Variants in PTPRD observed in about 807,000 individuals in gnomAD.
PTPRD encodes protein tyrosine phosphatase receptor type D.
Under a neutral mutation model 214.5 loss-of-function variants are expected in PTPRD, and 34 were observed. That is an observed-to-expected ratio of 0.16 (90% CI 0.12 to 0.21). PTPRD has a LOEUF of 0.21. PTPRD is among the 10% of genes least tolerant of loss of function. The pLI, the probability that PTPRD is intolerant of heterozygous loss-of-function variation, is 1.00. For missense variants in PTPRD, 2,545 were observed against 2,398.7 expected (o/e 1.06, Z -1.27); for synonymous variants, 1,128 against 845.7 (o/e 1.33, Z -5.79).
intron 3 of PTPRD, among the ~76,000 whole-genome samples, chr9:10,057,146 T>C (rs970170165): frequency 2.0e-5 from 3 of 152,182 alleles, no homozygotes; most frequent in Non-Finnish European, 4.4e-5. Context: ...TAATTTATCA[T>C]TTCTGAGATG....
intron 37 of PTPRD, among the ~76,000 whole-genome samples, chr9:8,377,541 AAC>A (rs1223624483): frequency 6.6e-6 from 1 of 152,104 alleles, no homozygotes; most frequent in South Asian, 2.1e-4. Context: ...AAAAGTAACA[AAC>A]ACAGCACAAT....
intron 2 of PTPRD, among the ~76,000 whole-genome samples, chr9:10,451,032 A>G (rs1227286493): frequency 6.6e-6 from 1 of 152,002 alleles, no homozygotes; most frequent in Non-Finnish European, 1.5e-5. Flanking sequence ...AACATGATAG[A>G]TAATCTTGAC....
chr9:9,840,830 C>T (rs1335710808), intron 5 of PTPRD, among the ~76,000 whole-genome samples: 1 of 135,378 alleles, frequency 7.4e-6, no homozygotes, highest in Non-Finnish European at 1.5e-5. Flanking sequence ...CACTGGAATG[C>T]AATCTATGTA....
intron 11 of PTPRD, among the ~76,000 whole-genome samples, chr9:9,005,827 A>G (rs7863249): frequency 0.26 from 38,912 of 151,720 alleles, 6,028 homozygotes; most frequent in Non-Finnish European, 0.35. Context: ...GCAGACTTAT[A>G]CTCTGATTGT....
intron 5 of PTPRD, among the ~76,000 whole-genome samples, chr9:9,861,180 T>A (rs936263997): frequency 6.6e-6 from 1 of 152,214 alleles, no homozygotes; most frequent in African/African-American, 2.4e-5. Flanking sequence ...CATGAGTGTA[T>A]TGGGAGAAGT....
In PTPRD at chr9:8,316,167, A is replaced by ACAAT. The variant is rs997451769; in HGVS notation, c.*1703_*1706dup. On this transcript the variant is annotated 3_prime_UTR_variant, in exon 46 of 46. Transcript: ENST00000381196. ...GATTATCCAAGTGCTTTGGGCTGGT[A>ACAAT]CAATCACTAACATCCCCGACTTGGC... 1.3e-5 allele frequency: 3 copies of ACAAT among 229,716 alleles called. No homozygotes were observed. Among genetic ancestry groups the ACAAT allele is most frequent in the African/African-American group, 2.2e-5 (1 of 45,114 alleles). 14.2% of individuals were successfully genotyped at this position (229,716 alleles called of 1,614,324 possible).
intron 14 of PTPRD, among the ~76,000 whole-genome samples, chr9:8,555,726 G>T (rs2083519998): frequency 6.6e-6 from 1 of 152,210 alleles, no homozygotes; most frequent in Non-Finnish European, 1.5e-5. Flanking sequence ...GGATGTCAAT[G>T]AAATCTGAAG....
chr9:8,667,283 G>C (rs1026190917), intron 12 of PTPRD, among the ~76,000 whole-genome samples: 15 of 152,162 alleles, frequency 9.9e-5, no homozygotes, highest in South Asian at 2.1e-4. Flanking sequence ...AAGTTGCAGT[G>C]AGCCGAGATC....
intron 11 of PTPRD, among the ~76,000 whole-genome samples, chr9:8,885,101 G>A (rs1016679392): frequency 6.6e-6 from 1 of 152,166 alleles, no homozygotes; most frequent in Non-Finnish European, 1.5e-5. Flanking sequence ...ACAAGCCTGT[G>A]CTCTGAGAGG....
At chr9:9,931,979 C>T (rs1297386289) in intron 5 of PTPRD, among the ~76,000 whole-genome samples, 3 of 152,086 alleles carry the variant, frequency 2.0e-5, no homozygotes, top group Non-Finnish European at 4.4e-5. Flanking sequence ...TGACACCTCA[C>T]ACAGCAGAGT....
intron 10 of PTPRD, among the ~76,000 whole-genome samples, chr9:9,132,522 G>C (rs891406814): frequency 3.3e-5 from 5 of 152,140 alleles, no homozygotes; most frequent in African/African-American, 1.2e-4. Context: ...CAAGCTTTTA[G>C]ACAATGGAGC....
intron 44 of PTPRD, among the ~76,000 whole-genome samples, chr9:8,324,045 A>C (rs1197162873): frequency 6.6e-6 from 1 of 152,104 alleles, no homozygotes; most frequent in Non-Finnish European, 1.5e-5. Context: ...AATAGAGGCA[A>C]GACCCTCAAC....
At chr9:9,214,290 G>A (rs554747535) in intron 9 of PTPRD, among the ~76,000 whole-genome samples, 15 of 152,288 alleles carry the variant, frequency 9.8e-5, no homozygotes, top group African/African-American at 3.1e-4. Context: ...GTGGAAAGCT[G>A]AAAAAGAGCT....
Position 10,494,335 on chromosome 9 carries a change from T to G in PTPRD, c.-600+118063A>C, listed in dbSNP as rs1008004650. 4.6e-5 allele frequency among the ~76,000 whole-genome samples: 7 copies of G among 151,994 alleles called. No homozygotes were observed. The East Asian group carries it at 1.2e-3, about 25-fold the overall frequency. ...ATTTTAAAAGAAAAAATAGGTGATT[T>G]TCTTCTGATAAATATATATAAGATC... On this transcript the variant is annotated intron_variant, in intron 2 of 45. Transcript: ENST00000381196.
chr9:9,387,540 G>A (rs2064282033), intron 9 of PTPRD, among the ~76,000 whole-genome samples: 1 of 152,092 alleles, frequency 6.6e-6, no homozygotes, highest in African/African-American at 2.4e-5. Context: ...ATTCTTGGCT[G>A]AAAAAAATTC....
chr9:10,008,864 T>G (rs1183477944), intron 4 of PTPRD, among the ~76,000 whole-genome samples: 1 of 151,946 alleles, frequency 6.6e-6, no homozygotes, highest in African/African-American at 2.4e-5. Context: ...TTGCCTCTGG[T>G]GAAAAATCAG....
At chr9:10,368,382 C>CTGT (rs1313355718) in intron 2 of PTPRD, among the ~76,000 whole-genome samples, 4 of 152,024 alleles carry the variant, frequency 2.6e-5, no homozygotes, top group Non-Finnish European at 5.9e-5. Flanking sequence ...AGTGATGACA[C>CTGT]CTTACTTGTC....
At chr9:8,707,302 G>A (rs1309120899) in intron 12 of PTPRD, among the ~76,000 whole-genome samples, 1 of 152,210 alleles carries the variant, frequency 6.6e-6, no homozygotes, top group East Asian at 1.9e-4. Flanking sequence ...GATGGGCAAT[G>A]GATATTTCTC....
chr9:8,782,294 A>G (rs1006220516), intron 11 of PTPRD, among the ~76,000 whole-genome samples: 1 of 151,996 alleles, frequency 6.6e-6, no homozygotes, highest in Non-Finnish European at 1.5e-5. Context: ...ACTCTTAGCA[A>G]TTTTCAAGTT....
Sources: allele counts gnomAD v4.1 joint callset (sites outside exome capture counted in the v4.1 genomes callset), GRCh38; gene constraint gnomAD v4.1.1; transcripts MANE v1.5; gene names NCBI Gene and HGNC (gene_info 2026-07-23, HGNC 2026-07-21).